Variants in AADAT observed in about 807,000 individuals in gnomAD.
AADAT encodes the protein aminoadipate aminotransferase.
A neutral mutation model predicts 56.2 loss-of-function variants in AADAT; 25 were observed. The ratio of observed to expected loss-of-function variants is 0.44; its 90% CI spans 0.32 to 0.62. AADAT has a LOEUF of 0.62. Ranked by LOEUF, AADAT falls within the 20% of genes least tolerant of loss-of-function variation. The pLI is 0.04. For synonymous variants in AADAT, 173 were observed against 164.7 expected, an observed-to-expected ratio of 1.05 and a Z score of -0.39; for missense variants, 387 against 510.5, an observed-to-expected ratio of 0.76 and a Z score of 2.33.
intron 3 of AADAT, among the ~76,000 whole-genome samples, chr4:170,079,399 TG>T (rs1406327828): frequency 1.3e-5 from 2 of 151,032 alleles, no homozygotes; most frequent in Non-Finnish European, 1.5e-5. Flanking sequence ...AGGAAGAGAG[TG>T]GGGAGGAGGA....
chr4:170,083,564 C>T (rs943886323), intron 3 of AADAT, among the ~76,000 whole-genome samples: 4 of 151,140 alleles, frequency 2.6e-5, no homozygotes, highest in Admixed American at 6.6e-5. Context: ...CAAATAATCC[C>T]ATTAAAAATT....
upstream of AADAT, among the ~76,000 whole-genome samples, chr4:170,092,556 C>T (rs1288352094): frequency 1.3e-5 from 2 of 152,188 alleles, no homozygotes; most frequent in African/African-American, 4.8e-5. Flanking sequence ...GTCAGTGAGA[C>T]CAAAACCCCA....
intron 11 of AADAT, among the ~76,000 whole-genome samples, chr4:170,064,023 C>T (rs1731323350): frequency 6.6e-6 from 1 of 151,022 alleles, no homozygotes; most frequent in African/African-American, 2.4e-5. Flanking sequence ...AATCAGGATA[C>T]AAACTTTTCT....
chr4:170,071,034 T>C (rs1168702523), intron 5 of AADAT, among the ~76,000 whole-genome samples: 1 of 152,194 alleles, frequency 6.6e-6, no homozygotes, highest in Non-Finnish European at 1.5e-5. Context: ...TGCCTCAGCC[T>C]CCTGAGTAGC....
upstream of AADAT, among the ~76,000 whole-genome samples, chr4:170,093,691 G>C (rs1205356587): frequency 6.6e-6 from 1 of 152,146 alleles, no homozygotes; most frequent in Non-Finnish European, 1.5e-5. Flanking sequence ...GTCTTCCCGG[G>C]CTCAAGCATT....
chr4:170,091,108 G>C (rs555149798), upstream of AADAT, among the ~76,000 whole-genome samples: 3 of 152,224 alleles, frequency 2.0e-5, no homozygotes, highest in Admixed American at 1.3e-4. Flanking sequence ...GCGCCTCCTC[G>C]GCCTCAGCGC....
At chr4:170,087,723 A>G (rs1441114922) in intron 2 of AADAT, among the ~76,000 whole-genome samples, 1 of 152,152 alleles carries the variant, frequency 6.6e-6, no homozygotes, top group Non-Finnish European at 1.5e-5. Flanking sequence ...ATCACAGAAC[A>G]AAGCAGGTTT....
chr4:170,089,386 C>T (rs1373180037), intron 1 of AADAT: 1 of 597,224 alleles, frequency 1.7e-6, no homozygotes, highest in Non-Finnish European at 3.0e-6. Flanking sequence ...GTCTGCGCCT[C>T]TCTCTACTGT....
chr4:170,083,596 A>G (rs1447114125), intron 3 of AADAT, among the ~76,000 whole-genome samples: 3 of 152,104 alleles, frequency 2.0e-5, no homozygotes, highest in Admixed American at 1.3e-4. Flanking sequence ...CTTAACAGAC[A>G]TTTCTAAAAG....
At position 170,070,657 on chromosome 4, in the gene AADAT, AAAAGGTTG is replaced by A; in HGVS notation, c.655-13_655-6del. ...GAAATCATATTTTCTTGCAAGCTAA[AAAAGGTTG>A]AAGTAATTGTTTATTTCTTAATCTA... On this transcript the variant is annotated splice_region_variant and splice_polypyrimidine_tract_variant and intron_variant, in intron 5 of 12. Transcript: ENST00000337664. 1 of 1,529,618 alleles carries A rather than the reference AAAAGGTTG, an allele frequency of 6.5e-7. No homozygotes were observed. Among genetic ancestry groups the A allele is most frequent in the Non-Finnish European group, 8.9e-7 (1 of 1,117,514 alleles). 94.8% of individuals were successfully genotyped at this position (1,529,618 alleles called of 1,614,324 possible).
chr4:170,072,529 G>A (rs1039755669), intron 5 of AADAT, among the ~76,000 whole-genome samples: 3 of 152,140 alleles, frequency 2.0e-5, no homozygotes, highest in African/African-American at 4.8e-5. Flanking sequence ...ATTCTATAGA[G>A]TTTAACATGG....
At chr4:170,091,706 G>A (rs1046530000), upstream of AADAT, 2 of 152,494 alleles carry the variant, frequency 1.3e-5, no homozygotes, top group South Asian at 2.1e-4. Flanking sequence ...GAGTCTAGAG[G>A]AGACTTGGAG....
chr4:170,060,825 C>CA lies in AADAT; in HGVS notation c.*102_*103insT. 1 of 957,404 alleles carries CA rather than the reference C, an allele frequency of 1.0e-6. No homozygotes were observed. The highest frequency in any genetic ancestry group is 1.5e-6 in the Non-Finnish European group (1 of 660,782). The allele number at this position is 957,404 out of a possible 1,614,324, so 59.3% of individuals were successfully genotyped here. On this transcript the variant is annotated 3_prime_UTR_variant, in exon 13 of 13. Transcript: ENST00000337664. ...AGTGCAGTGGTGTGATCGTAGCTTA[C>CA]TGCAGCCTTGAATTCCTGGGTTCAA...
In AADAT at chr4:170,071,962, A is replaced by G. The variant is rs549291084; in HGVS notation, c.654+1174T>C. Among the ~76,000 whole-genome samples, 57 of 152,274 alleles carry G rather than the reference A, an allele frequency of 3.7e-4. No individual in the cohort carries two copies. The South Asian group carries it at 0.011, about 29-fold the overall frequency. On this transcript the variant is annotated intron_variant, in intron 5 of 12. Transcript: ENST00000337664. ...TCAGAGGTTTGGGGTGGGGCTGTGG[A>G]AAACCAGGAGTTCTATTTTGGGCAT...
At chr4:170,062,537 G>A (rs1731245050) in intron 11 of AADAT, among the ~76,000 whole-genome samples, 1 of 152,130 alleles carries the variant, frequency 6.6e-6, no homozygotes, top group South Asian at 2.1e-4. Flanking sequence ...TGTATAAAAT[G>A]AAGAAATAAA....
chr4:170,074,026 T>C lies in AADAT; in HGVS notation c.445-681A>G, dbSNP rs116065095. ...AGATTGACCATGTTTCAGATAGAGATTGCTTCTGTCAATCTGGGGCTTAGA... is the reference window on the plus strand; with the variant it reads ...AGATTGACCATGTTTCAGATAGAGACTGCTTCTGTCAATCTGGGGCTTAGA... On this transcript the variant is annotated intron_variant, in intron 4 of 12. Transcript: ENST00000337664. 2.1e-3 allele frequency among the ~76,000 whole-genome samples: 316 copies of C among 152,246 alleles called. 1 individual carries two copies. The highest frequency in any genetic ancestry group is 0.01 in the Middle Eastern group (3 of 294).
At position 170,079,059 on chromosome 4, in the gene AADAT, G is replaced by A. The variant is rs1290108614; in HGVS notation, c.370-476C>T. On this transcript the variant is annotated intron_variant, in intron 3 of 12. Transcript: ENST00000337664. Reference sequence around the variant, plus strand: ...ATGACATGGTTCTTACTCTCATGGAGCTACTGGTCCACTGGGAAAGCTAGA... The same window carrying A: ...ATGACATGGTTCTTACTCTCATGGAACTACTGGTCCACTGGGAAAGCTAGA... 2.0e-5 allele frequency among the ~76,000 whole-genome samples: 3 copies of A among 152,186 alleles called. No homozygotes were observed. The South Asian group carries it at 6.2e-4, about 31-fold the overall frequency.
rs1409404934 is a variant in AADAT, at chr4:170,067,322, A to G, written c.962+5T>C. 1.2e-6 allele frequency: 2 copies of G among 1,610,300 alleles called. No individual in the cohort carries two copies. Among genetic ancestry groups the G allele is most frequent in the Non-Finnish European group, 1.7e-6 (2 of 1,176,918 alleles). The stretch of plus-strand genomic sequence containing the variant: ...TCATAAATATTTAAAGAAATGATAC[A>G]ATACCTGTCTACATGAGCCATGAAA... On this transcript the variant is annotated splice_donor_5th_base_variant and intron_variant, in intron 9 of 12. Coordinates refer to ENST00000337664, the MANE Select transcript of AADAT (RefSeq NM_016228.4).
intron 3 of AADAT, among the ~76,000 whole-genome samples, chr4:170,080,426 A>C (rs1287562730): frequency 6.6e-6 from 1 of 152,058 alleles, no homozygotes; most frequent in Non-Finnish European, 1.5e-5. Flanking sequence ...CTGGCTGGAG[A>C]CCTGTCCTTG....
Sources: gnomAD v4.1 joint callset for allele counts (sites outside exome capture counted in the v4.1 genomes callset) on GRCh38, gnomAD v4.1.1 for gene constraint, MANE v1.5 for transcripts, NCBI Gene and HGNC (gene_info 2026-07-23, HGNC 2026-07-21) for gene names.